The following FBXL17 variants were observed in gnomAD, a reference collection of about 807,000 sequenced individuals.
FBXL17 encodes the protein F-box and leucine rich repeat protein 17, also known as F-box/LRR-repeat protein 17.
A neutral mutation model predicts 66.2 loss-of-function variants in FBXL17; 22 were observed. The observed-to-expected ratio is 0.33, with a 90% CI of 0.24 to 0.47. The LOEUF is 0.47. Among genes scored for constraint, FBXL17 ranks in the 20% least tolerant of loss-of-function variants. The probability of loss-of-function intolerance (pLI) is 1.00; values close to 1 mark genes in which losing one functional copy is unlikely to be tolerated. For missense variants in FBXL17, 878 were observed against 948.2 expected (o/e 0.93, Z 0.97); for synonymous variants, 474 against 400.5 (o/e 1.18, Z -2.19).
rs772403040 is a variant in FBXL17 at position 107,861,707 on chromosome 5, C to T, written c.*13G>A. On this transcript the variant is annotated 3_prime_UTR_variant, in exon 9 of 9. Transcript: ENST00000542267. ...TGCTGAATGATCCCAGTGGACTAGGCGAGGCAGGAGCGCTAGGAGGAGGCG... is the reference window on the plus strand; with the variant it reads ...TGCTGAATGATCCCAGTGGACTAGGTGAGGCAGGAGCGCTAGGAGGAGGCG... The T allele has an allele frequency of 2.8e-5, 43 of 1,560,152 alleles. No individual in the cohort carries two copies. The South Asian group carries it at 3.1e-4, about 11-fold the overall frequency.
intron 6 of FBXL17, among the ~76,000 whole-genome samples, chr5:108,042,093 C>T (rs1379120438): frequency 2.6e-5 from 4 of 152,028 alleles, no homozygotes; most frequent in Non-Finnish European, 5.9e-5. Flanking sequence ...GGGGGTTTCT[C>T]CATGTTGGTC....
chr5:108,192,245 C>T lies in FBXL17; in HGVS notation c.1615-5998G>A, dbSNP rs191061701. ...CTGACATTTTAATTAAACTTACTTTCCTTATAATTCACTGGTAGTTGTGAG... is the reference window on the plus strand; with the variant it reads ...CTGACATTTTAATTAAACTTACTTTTCTTATAATTCACTGGTAGTTGTGAG... On this transcript the variant is annotated intron_variant, in intron 5 of 8. Transcript: ENST00000542267. 3.9e-3 allele frequency among the ~76,000 whole-genome samples: 594 copies of T among 152,262 alleles called. 6 individuals carry two copies. Among genetic ancestry groups the T allele is most frequent in the Middle Eastern group, 0.01 (3 of 294 alleles).
intron 4 of FBXL17, among the ~76,000 whole-genome samples, chr5:108,252,772 C>A: frequency 6.6e-6 from 1 of 152,146 alleles, no homozygotes; most frequent in Non-Finnish European, 1.5e-5. Context: ...TACCAAATTT[C>A]TCTGACAGCA....
In FBXL17 at chr5:108,381,480, G is replaced by A; in HGVS notation, c.212C>T (p.Pro71Leu). 1.5e-6 allele frequency: 2 copies of A among 1,321,948 alleles called. No homozygotes were observed. Among genetic ancestry groups the A allele is most frequent in the Non-Finnish European group, 9.6e-7 (1 of 1,042,290 alleles). 81.9% of individuals were successfully genotyped at this position (1,321,948 alleles called of 1,614,324 possible). ...LCFIVHSPGA[P>L]APAGPEEEPP... ...CTCCTCCTCTGGGCCGGCGGGGGCGGGCGCGCCGGGACTGTGCACGATGAA... is the reference window on the plus strand; with the variant it reads ...CTCCTCCTCTGGGCCGGCGGGGGCGAGCGCGCCGGGACTGTGCACGATGAA... Residue 71 changes from proline (P) to leucine (L), a missense_variant, in exon 1 of 9, where the codon CCC becomes CTC. Pro to Leu is a moderately conservative substitution (Grantham distance 98). This residue lies in a region of FBXL17 where 605 missense variants were observed against 509.5 expected (regional missense o/e 1.19). Coordinates refer to ENST00000542267, the MANE Select transcript of FBXL17 (RefSeq NM_001163315.3).
At chr5:108,025,331 C>T (rs1467150028) in intron 6 of FBXL17, among the ~76,000 whole-genome samples, 1 of 152,094 alleles carries the variant, frequency 6.6e-6, no homozygotes, top group African/African-American at 2.4e-5. Flanking sequence ...TCTAAATAAA[C>T]TTTAGGATGT....
chr5:107,899,759 C>T (rs1313954799), intron 7 of FBXL17, among the ~76,000 whole-genome samples: 1 of 152,100 alleles, frequency 6.6e-6, no homozygotes, highest in Non-Finnish European at 1.5e-5. Flanking sequence ...ACTTTATCAA[C>T]TGGAGAACTG....
At chr5:108,158,415 A>G (rs954965567) in intron 6 of FBXL17, among the ~76,000 whole-genome samples, 2 of 152,134 alleles carry the variant, frequency 1.3e-5, no homozygotes, top group Admixed American at 1.3e-4. Flanking sequence ...AGCAACTAGG[A>G]AGTAGTGTGT....
At chr5:108,168,405 TG>T (rs775139671) in intron 6 of FBXL17, among the ~76,000 whole-genome samples, 1 of 152,210 alleles carries the variant, frequency 6.6e-6, no homozygotes, top group Non-Finnish European at 1.5e-5. Flanking sequence ...AAAGAATGAC[TG>T]CAGCTCATTA....
chr5:108,025,788 G>A (rs1274829638), intron 6 of FBXL17, among the ~76,000 whole-genome samples: 2 of 151,374 alleles, frequency 1.3e-5, no homozygotes, highest in Admixed American at 6.6e-5. Flanking sequence ...AATTGTTTAC[G>A]AGATCTAAAG....
At chr5:107,874,228 G>A (rs1748544722) in intron 8 of FBXL17, among the ~76,000 whole-genome samples, 1 of 152,054 alleles carries the variant, frequency 6.6e-6, no homozygotes, top group African/African-American at 2.4e-5. Flanking sequence ...AGTCTCAGGA[G>A]GCTAGTTTTT....
chr5:107,879,383 C>A (rs58854937), intron 8 of FBXL17: 40,848 of 985,284 alleles, frequency 0.041, 1,818 homozygotes, highest in African/African-American at 0.21. Flanking sequence ...TAAAAGAAGT[C>A]ATTTTAAAGT....
chr5:108,067,348 C>A lies in FBXL17; in HGVS notation c.1746-46347G>T, dbSNP rs1748154669. Among the ~76,000 whole-genome samples the A allele has an allele frequency of 2.0e-5, 3 of 152,050 alleles. No individual in the cohort carries two copies. In the South Asian group the frequency reaches 6.2e-4, roughly 32 times the overall value. On this transcript the variant is annotated intron_variant, in intron 6 of 8. Transcript: ENST00000542267. Reference sequence around the variant, plus strand: ...ATATCATTTTGTTCCGATTAGTAAGCATAGAACCTCACAAATTGGAGGAGT... The same window carrying A: ...ATATCATTTTGTTCCGATTAGTAAGAATAGAACCTCACAAATTGGAGGAGT...
intron 4 of FBXL17, among the ~76,000 whole-genome samples, chr5:108,267,612 G>A (rs1357623120): frequency 4.6e-5 from 7 of 151,956 alleles, no homozygotes; most frequent in Admixed American, 3.9e-4. Flanking sequence ...CAAATATTTT[G>A]TGCCTATTCT....
intron 7 of FBXL17, among the ~76,000 whole-genome samples, chr5:107,926,461 G>C (rs758611860): frequency 1.3e-5 from 2 of 151,980 alleles, no homozygotes; most frequent in Non-Finnish European, 2.9e-5. Flanking sequence ...CTGGCTACTT[G>C]CATCCTTTCC....
intron 6 of FBXL17, among the ~76,000 whole-genome samples, chr5:108,059,204 A>G (rs1747828468): frequency 6.6e-6 from 1 of 152,214 alleles, no homozygotes; most frequent in African/African-American, 2.4e-5. Context: ...CCTGTGCAAC[A>G]ATTACCACAG....
chr5:107,906,270 A>G (rs1293925481), intron 7 of FBXL17, among the ~76,000 whole-genome samples: 1 of 152,146 alleles, frequency 6.6e-6, no homozygotes, highest in Admixed American at 6.6e-5. Flanking sequence ...TGAATAAAAT[A>G]TATCCAGTAT....
At chr5:108,228,974 G>A (rs868129716) in intron 4 of FBXL17, among the ~76,000 whole-genome samples, 20 of 152,252 alleles carry the variant, frequency 1.3e-4, no homozygotes, top group East Asian at 5.8e-4. Context: ...TAAAAGCTCC[G>A]CAGGAGATTC....
chr5:108,373,534 T>A (rs909820705), intron 1 of FBXL17, among the ~76,000 whole-genome samples: 5 of 151,706 alleles, frequency 3.3e-5, no homozygotes, highest in Admixed American at 3.3e-4. Context: ...ATATAAGACA[T>A]AGAGAAAACA....
intron 5 of FBXL17, among the ~76,000 whole-genome samples, chr5:108,191,037 T>C (rs1356187343): frequency 6.6e-6 from 1 of 152,222 alleles, no homozygotes; most frequent in African/African-American, 2.4e-5. Context: ...GGGCTGCCTG[T>C]AAATACTTTG....
Sources: allele counts gnomAD v4.1 joint callset (sites outside exome capture counted in the v4.1 genomes callset), GRCh38; gene constraint gnomAD v4.1.1; regional missense constraint gnomAD v4.1.1; transcripts MANE v1.5; gene names NCBI Gene and HGNC (gene_info 2026-07-23, HGNC 2026-07-21).